ANKRD12: variants seen among roughly 807,000 people sequenced by gnomAD.
ANKRD12 encodes the protein ankyrin repeat domain-containing protein 12.
Under a neutral mutation model 183.4 loss-of-function variants are expected in ANKRD12, and 85 were observed. The observed-to-expected ratio is 0.46, with a 90% confidence interval of 0.39 to 0.56. The LOEUF (loss-of-function observed/expected upper bound fraction) is 0.56. Among genes scored for constraint, ANKRD12 ranks in the 20% least tolerant of loss-of-function variants. ANKRD12 has a pLI of 0.00. For synonymous variants in ANKRD12, 914 were observed against 800.2 expected, an observed-to-expected ratio of 1.14 and a Z score of -2.40; for missense variants, 2,405 against 2,357.1, an observed-to-expected ratio of 1.02 and a Z score of -0.42.
At chr18:9,155,226 A>G (rs1167462294) in intron 1 of ANKRD12, among the ~76,000 whole-genome samples, 1 of 152,244 alleles carries the variant, frequency 6.6e-6, no homozygotes, top group African/African-American at 2.4e-5. Flanking sequence ...CTGTCACAGC[A>G]GAGTGACTAT....
rs144826804 is a variant in ANKRD12, at chr18:9,255,709, T to C, written c.2442T>C (p.His814=). The C allele has an allele frequency of 1.3e-6, 2 of 1,597,390 alleles. No individual in the cohort carries two copies. Among genetic ancestry groups the C allele is most frequent in the Non-Finnish European group, 1.7e-6 (2 of 1,175,684 alleles). The change falls in exon 9 of 13, where the codon CAT becomes CAC. Residue 814 remains histidine, a synonymous_variant. Coordinates refer to ENST00000262126, the MANE Select transcript of ANKRD12 (RefSeq NM_015208.5). Reference sequence around the variant, plus strand: ...TAGACATTGAAAAACAAGAAAAGCATATAAAGGAAAGTAAAGAAAAACCTG... The same window carrying C: ...TAGACATTGAAAAACAAGAAAAGCACATAAAGGAAAGTAAAGAAAAACCTG... ...KEIDIEKQEK[H]IKESKEKPEK... is the part of the protein sequence containing the mutation.
intron 2 of ANKRD12, among the ~76,000 whole-genome samples, chr18:9,184,112 A>G (rs1007460333): frequency 2.0e-5 from 3 of 152,208 alleles, no homozygotes; most frequent in East Asian, 3.9e-4. Context: ...TGTTATTTAT[A>G]TAACATCGAT....
intron 8 of ANKRD12, among the ~76,000 whole-genome samples, chr18:9,225,717 G>C (rs1181864776): frequency 6.6e-6 from 1 of 152,046 alleles, no homozygotes; most frequent in African/African-American, 2.4e-5. Context: ...TGATTCCATA[G>C]GAAAATTTAT....
chr18:9,137,182 C>T (rs2078132316), intron 1 of ANKRD12: 1 of 150,980 alleles, frequency 6.6e-6, no homozygotes, highest in African/African-American at 2.4e-5. Flanking sequence ...CTGACAGTGA[C>T]AGGCCGTTAG....
At chr18:9,170,702 A>G (rs1042204165) in intron 1 of ANKRD12, among the ~76,000 whole-genome samples, 2 of 152,014 alleles carry the variant, frequency 1.3e-5, no homozygotes, top group African/African-American at 2.4e-5. Flanking sequence ...CCTTCTCTCA[A>G]CTTTTCAAAG....
At position 9,282,061 on chromosome 18, in the gene ANKRD12, A is replaced by G. The variant is rs909705233; in HGVS notation, c.*935A>G. On this transcript the variant is annotated 3_prime_UTR_variant, in exon 13 of 13. Coordinates refer to ENST00000262126, the MANE Select transcript of ANKRD12 (RefSeq NM_015208.5). ...CTTTTTTCATCTCACAGTAAAGCCT[A>G]TTTCCCCAGGAAAAAAATAAATGCC... is the stretch of plus-strand genomic sequence containing the variant. The G allele has an allele frequency of 5.9e-5, 9 of 152,588 alleles. No homozygotes were observed. Among genetic ancestry groups the G allele is most frequent in the African/African-American group, 1.9e-4 (8 of 41,452 alleles). The allele number at this position is 152,588 out of a possible 1,614,324, so 9.5% of individuals were successfully genotyped here.
At chr18:9,190,298 A>G (rs560255284) in intron 2 of ANKRD12, among the ~76,000 whole-genome samples, 1 of 152,336 alleles carries the variant, frequency 6.6e-6, no homozygotes, top group East Asian at 1.9e-4. Context: ...AAACAACCTT[A>G]TAAGCAAAAC....
rs148481413 is a variant in ANKRD12, at chr18:9,192,931, G to A, written c.88-2620G>A. Among the ~76,000 whole-genome samples, 17 of 151,866 alleles carry A rather than the reference G, an allele frequency of 1.1e-4. No homozygotes were observed. In the East Asian group the frequency reaches 2.3e-3, roughly 21 times the overall value. ...ACTCCTGTCCTCAAGTGATCCATCC[G>A]CCTCAGCCTCCCAGAGCATTGGGAT... On this transcript the variant is annotated intron_variant, in intron 2 of 12. Coordinates refer to ENST00000262126, the MANE Select transcript of ANKRD12 (RefSeq NM_015208.5).
At chr18:9,274,804 G>C (rs996669256) in intron 10 of ANKRD12, among the ~76,000 whole-genome samples, 1 of 152,180 alleles carries the variant, frequency 6.6e-6, no homozygotes, top group Non-Finnish European at 1.5e-5. Flanking sequence ...TCTGAAATTT[G>C]GGTTACTTAG....
intron 10 of ANKRD12, 79 bp from the exon 11 acceptor site, chr18:9,275,445 C>T: frequency 1.5e-6 from 2 of 1,353,484 alleles, no homozygotes; most frequent in South Asian, 1.3e-5. Context: ...TGCACTCCAG[C>T]CTAGGCGAGA....
At chr18:9,214,209 G>T (rs1215570016) in intron 6 of ANKRD12, among the ~76,000 whole-genome samples, 1 of 152,036 alleles carries the variant, frequency 6.6e-6, no homozygotes, top group Non-Finnish European at 1.5e-5. Context: ...CTACATACTA[G>T]TCTGTTCTAT....
intron 2 of ANKRD12, among the ~76,000 whole-genome samples, chr18:9,193,736 A>G (rs1258396391): frequency 6.6e-6 from 1 of 151,670 alleles, no homozygotes; most frequent in African/African-American, 2.4e-5. Context: ...TCTACTTTTC[A>G]TTTGCTTTTG....
At position 9,208,703 on chromosome 18, in the gene ANKRD12, T is replaced by C; in HGVS notation, c.351T>C (p.Asn117=). 6.2e-7 allele frequency: 1 copy of C among 1,611,426 alleles called. No individual in the cohort carries two copies. Among genetic ancestry groups the C allele is most frequent in the Non-Finnish European group, 8.5e-7 (1 of 1,178,884 alleles). Residue 117 remains asparagine, a synonymous_variant, in exon 5 of 13, where the codon AAT becomes AAC. Coordinates refer to ENST00000262126, the MANE Select transcript of ANKRD12 (RefSeq NM_015208.5). ...EKKKTKKEAG[N]KKSTPVSILF... ...AGAAGACAAAAAAGGAAGCTGGAAATAAGAAATCCACACCAGTTAGCATTC... is the reference window on the plus strand; with the variant it reads ...AGAAGACAAAAAAGGAAGCTGGAAACAAGAAATCCACACCAGTTAGCATTC...
intron 9 of ANKRD12, among the ~76,000 whole-genome samples, chr18:9,262,961 G>C (rs1331044727): frequency 6.6e-6 from 1 of 151,668 alleles, no homozygotes. Context: ...ACCACACCTG[G>C]CTAATTTTTG....
intron 8 of ANKRD12, among the ~76,000 whole-genome samples, chr18:9,244,852 A>G (rs1419826583): frequency 1.3e-5 from 2 of 152,196 alleles, no homozygotes; most frequent in Non-Finnish European, 2.9e-5. Context: ...ATTATTTCCA[A>G]GTTAATTAAG....
Position 9,208,811 on chromosome 18 carries a change from C to T in ANKRD12, c.451+8C>T. 2 of 1,543,004 alleles carry T rather than the reference C, an allele frequency of 1.3e-6. No individual in the cohort carries two copies. The highest frequency in any genetic ancestry group is 1.7e-6 in the Non-Finnish European group (2 of 1,143,576). On this transcript the variant is annotated splice_region_variant and intron_variant, in intron 5 of 12. Transcript: ENST00000262126. ...CAAGAGACAACAGTCCAGGTGATAC[C>T]TACCATCATTGAGTTAATGTGTATC...
At chr18:9,170,669 C>G (rs937933940) in intron 1 of ANKRD12, among the ~76,000 whole-genome samples, 1 of 152,114 alleles carries the variant, frequency 6.6e-6, no homozygotes, top group Non-Finnish European at 1.5e-5. Flanking sequence ...TCTTGTAGCT[C>G]GGAGTAGTTT....
rs2040098665 is a variant in ANKRD12 at position 9,281,328 on chromosome 18, A to G, written c.*202A>G. 2 of 443,934 alleles carry G rather than the reference A, an allele frequency of 4.5e-6. No homozygotes were observed. The highest frequency in any genetic ancestry group is 7.8e-6 in the Non-Finnish European group (2 of 256,070). 27.5% of individuals were successfully genotyped at this position (443,934 alleles called of 1,614,324 possible). A position where few individuals can be genotyped will look rare whatever the true frequency, so the allele number is the denominator to read the frequency against. ...TAGATCCAAACACAGTTTCTAATAG[A>G]AAACTATTATTTATATTGGGAAAGG... On this transcript the variant is annotated 3_prime_UTR_variant, in exon 13 of 13. Transcript: ENST00000262126.
intron 1 of ANKRD12, among the ~76,000 whole-genome samples, chr18:9,146,987 A>G (rs886248645): frequency 1.3e-5 from 2 of 152,208 alleles, no homozygotes; most frequent in Non-Finnish European, 2.9e-5. Context: ...CCGTCATATT[A>G]TTGGATCAGG....
Sources: allele counts gnomAD v4.1 joint callset (sites outside exome capture counted in the v4.1 genomes callset), GRCh38; gene constraint gnomAD v4.1.1; transcripts MANE v1.5; gene names NCBI Gene and HGNC (gene_info 2026-07-23, HGNC 2026-07-21).